The following ELL variants were observed in gnomAD, a reference collection of about 807,000 sequenced individuals.
ELL encodes elongation factor for RNA polymerase II, also known as RNA polymerase II elongation factor ELL.
A neutral mutation model predicts 64.0 loss-of-function variants in ELL; 18 were observed. The ratio of observed to expected loss-of-function variants is 0.28; its 90% CI spans 0.19 to 0.42. ELL has a LOEUF of 0.42. Among genes scored for constraint, ELL ranks in the 10% least tolerant of loss-of-function variants. ELL has a pLI of 1.00. For missense variants in ELL, 797 were observed against 870.4 expected, an observed-to-expected ratio of 0.92 and a Z score of 1.06; for synonymous variants, 399 against 376.2, an observed-to-expected ratio of 1.06 and a Z score of -0.70.
intron 7 of ELL, 66 bp downstream of exon 7, chr19:18,451,486 T>C: frequency 7.6e-7 from 1 of 1,308,982 alleles, no homozygotes. Context: ...GTGACAAGGG[T>C]TACTGATGCA....
At chr19:18,507,167 A>C (rs1182233538) in intron 1 of ELL, among the ~76,000 whole-genome samples, 1 of 152,170 alleles carries the variant, frequency 6.6e-6, no homozygotes, top group Non-Finnish European at 1.5e-5. Context: ...CCAACTCCAA[A>C]AATAGTGCCA....
chr19:18,516,449 G>A (rs1976132424), intron 1 of ELL, among the ~76,000 whole-genome samples: 1 of 152,194 alleles, frequency 6.6e-6, no homozygotes, highest in African/African-American at 2.4e-5. Flanking sequence ...CCGCCGGTGA[G>A]TTACTCTTGC....
chr19:18,500,847 ACT>A (rs919409325), intron 1 of ELL, among the ~76,000 whole-genome samples: 5 of 152,050 alleles, frequency 3.3e-5, no homozygotes, highest in Non-Finnish European at 7.4e-5. Context: ...CATACCCAAG[ACT>A]CTCAAAAACA....
At chr19:18,473,461 G>A (rs952372007) in intron 1 of ELL, among the ~76,000 whole-genome samples, 4 of 152,170 alleles carry the variant, frequency 2.6e-5, no homozygotes, top group African/African-American at 9.7e-5. Flanking sequence ...GGTGCGGTGG[G>A]GCCACCTTGG....
intron 1 of ELL, among the ~76,000 whole-genome samples, chr19:18,493,684 G>A (rs996475555): frequency 6.6e-6 from 1 of 152,188 alleles, no homozygotes; most frequent in African/African-American, 2.4e-5. Context: ...GACTCCCAAG[G>A]CTCAGTTGGC....
intron 10 of ELL, among the ~76,000 whole-genome samples, chr19:18,445,823 G>C (rs1374965306): frequency 5.3e-5 from 8 of 152,048 alleles, no homozygotes. Flanking sequence ...TGAGCTGTGA[G>C]CTCAAGCCAG....
intron 6 of ELL, among the ~76,000 whole-genome samples, chr19:18,454,389 C>T (rs1012503920): frequency 1.3e-5 from 2 of 152,120 alleles, no homozygotes; most frequent in Admixed American, 1.3e-4. Context: ...GTCCCAGCTA[C>T]TCGCGAGGCT....
chr19:18,486,386 G>A (rs60570301), intron 1 of ELL, among the ~76,000 whole-genome samples: 13,927 of 152,260 alleles, frequency 0.091, 873 homozygotes, highest in South Asian at 0.14. Context: ...GACCCAGAGT[G>A]GGGGTGCGGT....
chr19:18,467,923 C>T (rs1273334072), intron 2 of ELL, among the ~76,000 whole-genome samples: 2 of 139,588 alleles, frequency 1.4e-5, no homozygotes, highest in Non-Finnish European at 3.1e-5. Context: ...CCACACACAA[C>T]CATACACACA....
intron 1 of ELL, among the ~76,000 whole-genome samples, chr19:18,475,635 A>G (rs893427880): frequency 6.6e-6 from 1 of 152,234 alleles, no homozygotes; most frequent in African/African-American, 2.4e-5. Context: ...TGGAATACAG[A>G]GGACCATGCC....
At chr19:18,447,854 G>A (rs1974449821) in intron 8 of ELL, among the ~76,000 whole-genome samples, 1 of 151,572 alleles carries the variant, frequency 6.6e-6, no homozygotes, top group African/African-American at 2.4e-5. Context: ...GTGCGATCAT[G>A]GCTCACTACA....
chr19:18,504,896 G>A (rs1037642162), intron 1 of ELL, among the ~76,000 whole-genome samples: 1 of 152,186 alleles, frequency 6.6e-6, no homozygotes, highest in Non-Finnish European at 1.5e-5. Context: ...CTGAGCACCC[G>A]AGGAGCCACC....
At chr19:18,511,630 C>A (rs994266116) in intron 1 of ELL, among the ~76,000 whole-genome samples, 1 of 152,186 alleles carries the variant, frequency 6.6e-6, no homozygotes, top group Non-Finnish European at 1.5e-5. Flanking sequence ...CCCACCATAC[C>A]ACCGGAGGGG....
At chr19:18,469,603 T>TC (rs1167929880) in intron 2 of ELL, among the ~76,000 whole-genome samples, 1 of 152,192 alleles carries the variant, frequency 6.6e-6, no homozygotes, top group Non-Finnish European at 1.5e-5. Flanking sequence ...CTGAGGTCAG[T>TC]CCCGGCTCCA....
intron 1 of ELL, among the ~76,000 whole-genome samples, chr19:18,506,341 G>T (rs8109573): frequency 0.46 from 70,719 of 152,192 alleles, 19,083 homozygotes; most frequent in African/African-American, 0.76. Flanking sequence ...GGGACACCCG[G>T]GCTGCTTCAG....
chr19:18,447,253 T>C (rs1270814897), intron 8 of ELL, among the ~76,000 whole-genome samples: 1 of 152,234 alleles, frequency 6.6e-6, no homozygotes, highest in Non-Finnish European at 1.5e-5. Context: ...ACCCCTGGCT[T>C]GACCTGAGTC....
intron 1 of ELL, among the ~76,000 whole-genome samples, chr19:18,515,220 C>T (rs1385421690): frequency 6.6e-6 from 1 of 152,250 alleles, no homozygotes; most frequent in Admixed American, 6.5e-5. Context: ...GGCCCACAGA[C>T]TCAAGCTGGC....
Position 18,458,197 on chromosome 19 carries a change from G to A in ELL, c.869+8C>T, listed in dbSNP as rs758685935. ...GGGGACATGCTGGGGGATGGGAGGC[G>A]GCATTACCGGACGAGCACCCGCTTC... is the stretch of plus-strand genomic sequence containing the variant. On this transcript the variant is annotated splice_region_variant and intron_variant, in intron 6 of 11. Coordinates refer to ENST00000262809, the MANE Select transcript of ELL (RefSeq NM_006532.4). 86 of 1,607,598 alleles carry A rather than the reference G, an allele frequency of 5.3e-5. No homozygotes were observed. The highest frequency in any genetic ancestry group is 1.0e-4 in the Admixed American group (6 of 59,964).
At position 18,449,721 on chromosome 19, in the gene ELL, C is replaced by T. The variant is rs1974482209; in HGVS notation, c.1465+756G>A. Among the ~76,000 whole-genome samples the T allele has an allele frequency of 6.6e-6, 1 of 152,232 alleles. No homozygotes were observed. Among genetic ancestry groups the T allele is most frequent in the Admixed American group, 6.5e-5 (1 of 15,280 alleles). ...GAAGTGGCCATCTGCAACTGGCCGC[C>T]ATCGCCACATGGGACCACTGCAGCC... is the stretch of plus-strand genomic sequence containing the variant. On this transcript the variant is annotated intron_variant, in intron 8 of 11. Coordinates refer to ENST00000262809, the MANE Select transcript of ELL (RefSeq NM_006532.4). The surrounding 1 kb of genome is among the most constrained non-coding windows in gnomAD (Gnocchi z 4.4).
Sources: allele counts gnomAD v4.1 joint callset (sites outside exome capture counted in the v4.1 genomes callset), GRCh38; gene constraint gnomAD v4.1.1; non-coding constraint Gnocchi (gnomAD v3.1); transcripts MANE v1.5; gene names NCBI Gene and HGNC (gene_info 2026-07-23, HGNC 2026-07-21).